RAD17: variants seen among roughly 807,000 people sequenced by gnomAD.
The protein encoded by RAD17 is cell cycle checkpoint protein RAD17.
Under a neutral mutation model 81.5 loss-of-function variants are expected in RAD17, and 31 were observed. The ratio of observed to expected loss-of-function variants is 0.38; its 90% CI spans 0.29 to 0.51. The LOEUF (loss-of-function observed/expected upper bound fraction) is 0.51. Ranked by LOEUF, RAD17 falls within the 20% of genes least tolerant of loss-of-function variation. RAD17 has a pLI of 0.88. For missense variants in RAD17, 681 were observed against 781.2 expected, an observed-to-expected ratio of 0.87 and a Z score of 1.53; for synonymous variants, 261 against 266.2, an observed-to-expected ratio of 0.98 and a Z score of 0.19.
intron 7 of RAD17, 74 bp downstream of exon 7, chr5:69,382,131 A>T: frequency 6.7e-7 from 1 of 1,482,290 alleles, no homozygotes. Context: ...ATAAAGTTCT[A>T]TGAGTGCATT....
intron 3 of RAD17, among the ~76,000 whole-genome samples, chr5:69,371,770 C>T (rs1186249830): frequency 1.3e-5 from 2 of 152,090 alleles, no homozygotes; most frequent in African/African-American, 2.4e-5. Context: ...GTCCCAGTCA[C>T]AAAGGCTGAA....
chr5:69,397,781 A>G (rs1232142431), intron 16 of RAD17, among the ~76,000 whole-genome samples: 1 of 152,054 alleles, frequency 6.6e-6, no homozygotes, highest in Non-Finnish European at 1.5e-5. Context: ...TTCAAGAGAT[A>G]TGTTGTATAA....
intron 16 of RAD17, among the ~76,000 whole-genome samples, chr5:69,397,499 C>T (rs1764967683): frequency 6.6e-6 from 1 of 152,086 alleles, no homozygotes; most frequent in Admixed American, 6.6e-5. Flanking sequence ...CATGGTGGCT[C>T]ACACCTGTAA....
chr5:69,397,336 T>G (rs547301655), intron 16 of RAD17, among the ~76,000 whole-genome samples: 11 of 151,594 alleles, frequency 7.3e-5, no homozygotes, highest in African/African-American at 2.7e-4. Flanking sequence ...GAGATGGGGT[T>G]TTGCCATGTT....
Position 69,391,954 on chromosome 5 carries a change from G to A in RAD17, c.1130G>A (p.Gly377Asp). Residue 377 changes from glycine (G) to aspartate (D), a missense_variant, in exon 13 of 19, where the codon GGT becomes GAT. Coordinates refer to ENST00000354868, the MANE Select transcript of RAD17 (RefSeq NM_133338.3). ...VFENQEVQAI[G>D]GKDVSLFLFR... is the part of the protein sequence containing the mutation. ...GAAAATCAAGAGGTCCAAGCTATTG[G>A]TGGCAAAGATGTTTCTCTGTTTCTC... The A allele has an allele frequency of 1.3e-6, 2 of 1,582,326 alleles. No homozygotes were observed. Among genetic ancestry groups the A allele is most frequent in the African/African-American group, 1.4e-5 (1 of 72,526 alleles).
intron 6 of RAD17, among the ~76,000 whole-genome samples, chr5:69,381,171 A>G (rs1763832447): frequency 6.6e-6 from 1 of 151,992 alleles, no homozygotes; most frequent in South Asian, 2.1e-4. Flanking sequence ...ATATCATCCA[A>G]TGAGATGTCT....
chr5:69,410,640 TCC>T, intron 18 of RAD17, 90 bp downstream of exon 18: 1 of 1,194,224 alleles, frequency 8.4e-7, no homozygotes, highest in Non-Finnish European at 1.2e-6. Context: ...ACCTGTAACA[TCC>T]AAGAAAGACA....
At chr5:69,382,307 A>G (rs1763906102) in intron 7 of RAD17, among the ~76,000 whole-genome samples, 1 of 152,144 alleles carries the variant, frequency 6.6e-6, no homozygotes, top group Non-Finnish European at 1.5e-5. Context: ...TCAGCTAGGT[A>G]TAGTGTTGTG....
In RAD17 at chr5:69,384,952, A is replaced by G; in HGVS notation, c.645+19A>G. Reference sequence around the variant, plus strand: ...GGTTGAAGTAAGGACAACTTTTAAAATCTTTTTTTTTTTTTTTTTGAAATG... The same window carrying G: ...GGTTGAAGTAAGGACAACTTTTAAAGTCTTTTTTTTTTTTTTTTTGAAATG... On this transcript the variant is annotated intron_variant, in intron 8 of 18. Coordinates refer to ENST00000354868, the MANE Select transcript of RAD17 (RefSeq NM_133338.3). The G allele has an allele frequency of 6.4e-7, 1 of 1,551,936 alleles. No individual in the cohort carries two copies. Among genetic ancestry groups the G allele is most frequent in the Non-Finnish European group, 8.7e-7 (1 of 1,151,078 alleles).
intron 1 of RAD17, 113 bp downstream of exon 1, chr5:69,370,046 C>T (rs1762838697): frequency 3.0e-6 from 1 of 338,842 alleles, no homozygotes; most frequent in South Asian, 4.0e-5. Context: ...CCCGCCCATC[C>T]CATCTGGGGA....
chr5:69,371,989 A>T, intron 3 of RAD17, 45 bp from the exon 4 acceptor site: 1 of 1,079,012 alleles, frequency 9.3e-7, no homozygotes, highest in Non-Finnish European at 1.2e-6. Flanking sequence ...CTTTGATGTT[A>T]AGTAAGTTAC....
intron 3 of RAD17, among the ~76,000 whole-genome samples, 156 bp from the exon 4 acceptor site, chr5:69,371,878 G>T (rs1447255416): frequency 6.6e-6 from 1 of 152,212 alleles, no homozygotes. Context: ...ATGTAATTCA[G>T]TGTGTGAGTT....
chr5:69,390,168 C>T (rs945069469), intron 12 of RAD17, among the ~76,000 whole-genome samples: 4 of 152,150 alleles, frequency 2.6e-5, no homozygotes, highest in Non-Finnish European at 5.9e-5. Flanking sequence ...TAATGCTTAA[C>T]GTTGATAATT....
At chr5:69,402,117 G>A (rs1435210328) in intron 17 of RAD17, among the ~76,000 whole-genome samples, 6 of 146,776 alleles carry the variant, frequency 4.1e-5, no homozygotes, top group Admixed American at 2.1e-4. Context: ...GCATGATCTC[G>A]ACTTACTGCA....
chr5:69,396,599 G>A (rs557307061), intron 16 of RAD17, 53 bp downstream of exon 16: 18 of 1,414,934 alleles, frequency 1.3e-5, no homozygotes, highest in Admixed American at 5.7e-5. Flanking sequence ...TTTATGGTAC[G>A]TGAATTATAA....
rs1561238637 is a variant in RAD17, at chr5:69,377,450, TATATATATATATATATATATATATAC to T, written c.351+2741_351+2766del. Among the ~76,000 whole-genome samples the T allele has an allele frequency of 2.3e-3, 26 of 11,192 alleles. No individual in the cohort carries two copies. In the South Asian group the frequency reaches 0.028, roughly 12 times the overall value. The allele number at this position is 11,192 out of a possible 152,430, so 7.3% of individuals were successfully genotyped here. Reference sequence around the variant, plus strand: ...GTGTGTGTGTGTGTGTATATATATATATATATATATATATATATATATATACACACACACACATATATATACGTATA... The same window carrying T: ...GTGTGTGTGTGTGTGTATATATATATACACACACACATATATATACGTATA... On this transcript the variant is annotated intron_variant, in intron 6 of 18. Coordinates refer to ENST00000354868, the MANE Select transcript of RAD17 (RefSeq NM_133338.3).
At chr5:69,397,899 C>T (rs1040862744) in intron 16 of RAD17, among the ~76,000 whole-genome samples, 2 of 152,058 alleles carry the variant, frequency 1.3e-5, no homozygotes, top group African/African-American at 2.4e-5. Flanking sequence ...GGGCAGATCA[C>T]GAGGTCAGGA....
Position 69,410,512 on chromosome 5 carries a change from A to G in RAD17, c.1713A>G (p.Gln571=). 6.2e-7 allele frequency: 1 copy of G among 1,613,152 alleles called. No homozygotes were observed. The highest frequency in any genetic ancestry group is 8.5e-7 in the Non-Finnish European group (1 of 1,179,482). The change falls in exon 18 of 19, where the codon CAA becomes CAG. Residue 571 remains glutamine (Q), a synonymous_variant. Transcript: ENST00000354868. ...TTTCAGCTCAGATTTCTTTTATCCA[A>G]GATATTGGAAGGCTCCCTCTGAAGC... The part of the protein sequence containing the change: ...MRNQAQISFI[Q]DIGRLPLKRH...
At chr5:69,370,835 G>A (rs970572379) in intron 1 of RAD17, 200 bp from the exon 2 acceptor site, 1 of 211,484 alleles carries the variant, frequency 4.7e-6, no homozygotes, top group African/African-American at 2.4e-5. Flanking sequence ...AAGTAGTCCA[G>A]TATACTTTCC....
Sources: allele counts gnomAD v4.1 joint callset (sites outside exome capture counted in the v4.1 genomes callset), GRCh38; gene constraint gnomAD v4.1.1; transcripts MANE v1.5; gene names NCBI Gene and HGNC (gene_info 2026-07-23, HGNC 2026-07-21).